The following ANGEL2 variants were observed in gnomAD, a reference collection of about 807,000 sequenced individuals.
The protein encoded by ANGEL2 is angel homolog 2.
In ANGEL2, 41 loss-of-function variants were observed where a neutral mutation model predicts 66.0. That is an observed-to-expected ratio of 0.62 (90% CI 0.48 to 0.81). The LOEUF (loss-of-function observed/expected upper bound fraction) is 0.81, where lower values mean the gene tolerates loss of function less well. Among genes scored for constraint, ANGEL2 ranks in the 30% least tolerant of loss-of-function variants. The pLI, the probability that ANGEL2 is intolerant of heterozygous loss-of-function variation, is 0.00. For synonymous variants in ANGEL2, 208 were observed against 226.5 expected (o/e 0.92, Z 0.73); for missense variants, 561 against 641.6 (o/e 0.87, Z 1.36).
At chr1:213,012,592 T>C (rs917492433) in intron 2 of ANGEL2, among the ~76,000 whole-genome samples, 4 of 152,252 alleles carry the variant, frequency 2.6e-5, no homozygotes, top group Non-Finnish European at 4.4e-5. Context: ...ATTTGAGATA[T>C]ACAGATGTAA....
At chr1:212,997,917 C>T (rs565100615) in intron 7 of ANGEL2, among the ~76,000 whole-genome samples, 1 of 151,892 alleles carries the variant, frequency 6.6e-6, no homozygotes, top group South Asian at 2.1e-4. Context: ...GAAACTTATC[C>T]AACAAACATT....
chr1:213,013,193 C>T lies in ANGEL2; in HGVS notation c.285G>A (p.Trp95Ter). The T allele has an allele frequency of 1.2e-6, 2 of 1,614,088 alleles. No homozygotes were observed. Among genetic ancestry groups the T allele is most frequent in the Non-Finnish European group, 8.5e-7 (1 of 1,180,006 alleles). ...ESRTQFQYCN[W>*]RPDNLSQTSL... ...ATGTCTGGCTCAGGTTGTCAGGTCT[C>T]CAGTTACAGTACTGGAACTGAGTTC... Residue 95 changes from tryptophan (W) to a stop codon, truncating the protein, a stop_gained, in exon 2 of 9, where the codon TGG becomes TGA. Transcript: ENST00000366962. LOFTEE classifies it high-confidence loss of function.
chr1:213,014,928 T>A (rs889340812), intron 1 of ANGEL2, among the ~76,000 whole-genome samples: 2 of 152,196 alleles, frequency 1.3e-5, no homozygotes, highest in Non-Finnish European at 1.5e-5. Context: ...TAAATACTTA[T>A]GTTAGTTTAT....
rs556651051 is a variant in ANGEL2, at chr1:213,010,911, G to A, written c.385+2182C>T. On this transcript the variant is annotated intron_variant, in intron 2 of 8. Transcript: ENST00000366962. ...TGCAATTCCATTTTTTAAACAACCA[G>A]GACCATTAGTTTATCTGGTTACTAC... 5.3e-5 allele frequency among the ~76,000 whole-genome samples: 8 copies of A among 152,244 alleles called. No individual in the cohort carries two copies. In the South Asian group the frequency reaches 1.7e-3, roughly 32 times the overall value.
chr1:212,997,522 G>T (rs867378553), intron 7 of ANGEL2, among the ~76,000 whole-genome samples: 2 of 152,048 alleles, frequency 1.3e-5, no homozygotes, highest in South Asian at 2.1e-4. Flanking sequence ...TATAAATGTG[G>T]TTTTTAAAAA....
intron 8 of ANGEL2, among the ~76,000 whole-genome samples, chr1:212,996,151 C>G (rs1052975456): frequency 6.6e-6 from 1 of 151,870 alleles, no homozygotes; most frequent in Non-Finnish European, 1.5e-5. Context: ...ACTAAAAATA[C>G]AAAAAATTAG....
At chr1:213,009,973 C>T (rs967996634) in intron 2 of ANGEL2, among the ~76,000 whole-genome samples, 1 of 151,334 alleles carries the variant, frequency 6.6e-6, no homozygotes, top group Non-Finnish European at 1.5e-5. Context: ...ATCGCTGTAA[C>T]CCGGGAAGCA....
At position 213,005,027 on chromosome 1, in the gene ANGEL2, A is replaced by G; in HGVS notation, c.1134+6T>C. ...ACTCCCTAATAACAATGAAGAAAGC[A>G]CTTACCTTTCCTATGGGAAGTCCTT... On this transcript the variant is annotated splice_donor_region_variant and intron_variant, in intron 5 of 8. Coordinates refer to ENST00000366962, the MANE Select transcript of ANGEL2 (RefSeq NM_144567.5). 1 of 1,535,568 alleles carries G rather than the reference A, an allele frequency of 6.5e-7. No homozygotes were observed. The highest frequency in any genetic ancestry group is 1.3e-5 in the South Asian group (1 of 77,978).
At position 213,013,102 on chromosome 1, in the gene ANGEL2, T is replaced by C; in HGVS notation, c.376A>G (p.Lys126Glu). Residue 126 changes from lysine to glutamate, a missense_variant, in exon 2 of 9, where the codon AAA becomes GAA. Transcript: ENST00000366962. ...TAAATGTCACCTTTACCTTGGTGTT[T>C]TCTTCGTTTTGATGAAGGCTCATCT... ...EGDEPSSKRR[K>E]HQGVIKRNWE... The C allele has an allele frequency of 1.5e-5, 24 of 1,612,678 alleles. No individual in the cohort carries two copies. Among genetic ancestry groups the C allele is most frequent in the Non-Finnish European group, 2.0e-5 (24 of 1,179,336 alleles).
chr1:213,007,708 C>T (rs567009335), intron 3 of ANGEL2, among the ~76,000 whole-genome samples: 1 of 152,296 alleles, frequency 6.6e-6, no homozygotes, highest in South Asian at 2.1e-4. Flanking sequence ...ATACCAGCAA[C>T]CACTAACAAA....
intron 8 of ANGEL2, among the ~76,000 whole-genome samples, chr1:212,996,232 G>A (rs949364579): frequency 2.6e-5 from 4 of 152,290 alleles, no homozygotes; most frequent in East Asian, 3.9e-4. Flanking sequence ...GTGTGAACCT[G>A]GGAGGCGGAG....
At chr1:212,996,640 A>ATAT (rs1553281538) in intron 8 of ANGEL2, among the ~76,000 whole-genome samples, 755 of 66,316 alleles carry the variant, frequency 0.011, 7 homozygotes, top group Non-Finnish European at 0.013. Context: ...AAAAAAAAAA[A>ATAT]ATATATATAT....
In ANGEL2 at chr1:213,015,748, G is replaced by A. The variant is rs2076630022; in HGVS notation, c.-77C>T. The A allele has an allele frequency of 5.0e-6, 8 of 1,597,480 alleles. No individual in the cohort carries two copies. Among genetic ancestry groups the A allele is most frequent in the South Asian group, 4.4e-5 (4 of 90,632 alleles). On this transcript the variant is annotated 5_prime_UTR_variant, in exon 1 of 9. Coordinates refer to ENST00000366962, the MANE Select transcript of ANGEL2 (RefSeq NM_144567.5). ...TCTATAATCGATGCGACGGCCTAAA[G>A]TATCTAGGGAACCCCATCACTCTTA...
Position 213,011,569 on chromosome 1 carries a change from A to G in ANGEL2, c.385+1524T>C, listed in dbSNP as rs1357333410. 7.2e-6 allele frequency: 5 copies of G among 689,778 alleles called. No individual in the cohort carries two copies. The Admixed American group carries it at 2.9e-4, about 39-fold the overall frequency. The allele number at this position is 689,778 out of a possible 1,614,324, so 42.7% of individuals were successfully genotyped here. ...CAACACCATAATTTTCTGAGTACCT[A>G]CTATGAAGCCAACAGTGTGTTAGGC... On this transcript the variant is annotated intron_variant, in intron 2 of 8. Coordinates refer to ENST00000366962, the MANE Select transcript of ANGEL2 (RefSeq NM_144567.5).
At chr1:212,996,644 T>TATATATAC (rs2076028390) in intron 8 of ANGEL2, among the ~76,000 whole-genome samples, 1 of 76,398 alleles carries the variant, frequency 1.3e-5, no homozygotes, top group African/African-American at 4.8e-5. Flanking sequence ...AAAAAAAATA[T>TATATATAC]ATATATATAT....
rs1387957366 is a variant in ANGEL2, at chr1:212,993,171, T to A, written c.*1870A>T. On this transcript the variant is annotated 3_prime_UTR_variant, in exon 9 of 9. Coordinates refer to ENST00000366962, the MANE Select transcript of ANGEL2 (RefSeq NM_144567.5). ...TAAAAATACAAAAATTAGCTGGGCA[T>A]GGTGGTGCATGCCTGTAATCCCAGC... 1.3e-5 allele frequency: 2 copies of A among 152,200 alleles called. No individual in the cohort carries two copies. The highest frequency in any genetic ancestry group is 2.9e-5 in the Non-Finnish European group (2 of 68,092). The allele number at this position is 152,200 out of a possible 1,614,324, so 9.4% of individuals were successfully genotyped here. A position where few individuals can be genotyped will look rare whatever the true frequency, so the allele number is the denominator to read the frequency against.
intron 2 of ANGEL2, chr1:213,011,229 G>T (rs1355622639): frequency 7.8e-7 from 1 of 1,289,306 alleles, no homozygotes; most frequent in Non-Finnish European, 1.0e-6. Context: ...GGAGGAACAA[G>T]GTGATCACAG....
chr1:213,003,309 T>C (rs1441261401), intron 5 of ANGEL2, among the ~76,000 whole-genome samples: 2 of 152,258 alleles, frequency 1.3e-5, no homozygotes, highest in Admixed American at 1.3e-4. Context: ...CTAACTTCCT[T>C]CAAGAACTTT....
intron 7 of ANGEL2, among the ~76,000 whole-genome samples, chr1:212,998,591 A>G (rs1174131335): frequency 5.2e-5 from 7 of 135,694 alleles, no homozygotes; most frequent in African/African-American, 1.9e-4. Flanking sequence ...GCATGATCTC[A>G]GCTCACTGCA....
Sources: allele counts gnomAD v4.1 joint callset (sites outside exome capture counted in the v4.1 genomes callset), GRCh38; gene constraint gnomAD v4.1.1; transcripts MANE v1.5; gene names NCBI Gene and HGNC (gene_info 2026-07-23, HGNC 2026-07-21).